The following ITGAM variants were observed in gnomAD, a reference collection of about 807,000 sequenced individuals.
The protein encoded by ITGAM is integrin alpha-M.
A neutral mutation model predicts 137.5 loss-of-function variants in ITGAM; 79 were observed. That is an observed-to-expected ratio of 0.57 (90% CI 0.48 to 0.69). The LOEUF (loss-of-function observed/expected upper bound fraction) is 0.69. ITGAM is among the 30% of genes least tolerant of loss of function. ITGAM has a pLI of 0.00. For synonymous variants in ITGAM, 583 were observed against 592.3 expected (o/e 0.98, Z 0.23); for missense variants, 1,343 against 1,483.5 (o/e 0.91, Z 1.56).
chr16:31,289,710 C>T (rs1055887485), intron 12 of ITGAM, among the ~76,000 whole-genome samples: 5 of 152,134 alleles, frequency 3.3e-5, no homozygotes, highest in Non-Finnish European at 7.4e-5. Flanking sequence ...ACATATGTAA[C>T]AAACCTGCAC....
At chr16:31,331,559 C>T in intron 29 of ITGAM, 77 bp from the exon 30 acceptor site, 1 of 920,102 alleles carries the variant, frequency 1.1e-6, no homozygotes, top group Non-Finnish European at 1.7e-6. Context: ...GCCGGCCCTC[C>T]CGCCCCCTCC....
At chr16:31,296,000 C>A in intron 12 of ITGAM, among the ~76,000 whole-genome samples, 1 of 151,666 alleles carries the variant, frequency 6.6e-6, no homozygotes, top group Non-Finnish European at 1.5e-5. Context: ...GTCCTTCATT[C>A]TGTTAATGTG....
In ITGAM at chr16:31,331,696, G is replaced by A; in HGVS notation, c.3448G>A (p.Glu1150Lys). 1 of 1,605,556 alleles carries A rather than the reference G, an allele frequency of 6.2e-7. No homozygotes were observed. Among genetic ancestry groups the A allele is most frequent in the Non-Finnish European group, 8.5e-7 (1 of 1,176,236 alleles). The change falls in exon 30 of 30, where the codon GAA becomes AAA. Residue 1150 changes from glutamate to lysine, a missense_variant. Physicochemically the swap from Glu to Lys is moderately conservative, Grantham distance 56. Transcript: ENST00000544665. ...MMSEGGPPGA[E>K]PQ The stretch of plus-strand genomic sequence containing the variant: ...GAGTGAAGGGGGTCCCCCGGGGGCC[G>A]AACCCCAGTAGCGGCTCCTTCCCGA...
At chr16:31,263,910 A>G (rs2079734081) in intron 2 of ITGAM, among the ~76,000 whole-genome samples, 1 of 151,308 alleles carries the variant, frequency 6.6e-6, no homozygotes, top group Non-Finnish European at 1.5e-5. Context: ...ATCTCGGCTC[A>G]CTGCAACCTC....
chr16:31,288,797 A>G (rs1028426514), intron 12 of ITGAM, among the ~76,000 whole-genome samples: 2 of 152,232 alleles, frequency 1.3e-5, no homozygotes, highest in Non-Finnish European at 2.9e-5. Flanking sequence ...ACAGCAAAAG[A>G]AACTACCATC....
intron 26 of ITGAM, 40 bp downstream of exon 26, chr16:31,330,204 A>G: frequency 6.2e-7 from 1 of 1,602,538 alleles, no homozygotes; most frequent in Non-Finnish European, 8.5e-7. Context: ...ACAGAGACCC[A>G]GAGCGCTTCC....
At chr16:31,315,164 TTATGTGTTATGGA>T (rs1210867689) in intron 14 of ITGAM, among the ~76,000 whole-genome samples, 5 of 152,130 alleles carry the variant, frequency 3.3e-5, no homozygotes. Context: ...ATTGAGTTCT[TTATGTGTTATGGA>T]TATTAACCAT....
In ITGAM at chr16:31,330,703, G is replaced by GAGAGAGACAGAGCGAC. The variant is rs1276692000; in HGVS notation, c.3276+111_3276+126dup. ...AGAGAGACACAAAGAGAGAGGGAGAGAGAGAGACAGAGCGACAGAGAGACA... is the reference window on the plus strand; with the variant it reads ...AGAGAGACACAAAGAGAGAGGGAGAGAGAGAGACAGAGCGACAGAGAGACAGAGCGACAGAGAGACA... On this transcript the variant is annotated intron_variant, in intron 28 of 29. Transcript: ENST00000544665. 4.9e-6 allele frequency: 4 copies of GAGAGAGACAGAGCGAC among 814,726 alleles called. No homozygotes were observed. The Admixed American group carries it at 1.1e-4, about 22-fold the overall frequency. The allele number at this position is 814,726 out of a possible 1,614,324, so 50.5% of individuals were successfully genotyped here.
intron 22 of ITGAM, chr16:31,327,893 T>G: frequency 2.0e-6 from 1 of 500,426 alleles, no homozygotes; most frequent in Non-Finnish European, 3.7e-6. Flanking sequence ...CGATCACTCT[T>G]CAGGAGGGCT....
chr16:31,298,491 C>T (rs1037807387), intron 14 of ITGAM, among the ~76,000 whole-genome samples: 4 of 152,166 alleles, frequency 2.6e-5, no homozygotes, highest in Admixed American at 1.3e-4. Context: ...CCTCATCACC[C>T]CCACTTTACA....
At chr16:31,265,542 A>T in intron 3 of ITGAM, 44 bp downstream of exon 3, 1 of 1,319,938 alleles carries the variant, frequency 7.6e-7, no homozygotes, top group Non-Finnish European at 1.1e-6. Context: ...TTCCCCTGTG[A>T]ACACATAGGG....
chr16:31,294,697 T>G (rs2080116870), intron 12 of ITGAM, among the ~76,000 whole-genome samples: 1 of 152,216 alleles, frequency 6.6e-6, no homozygotes, highest in Non-Finnish European at 1.5e-5. Context: ...AATTTTCTTT[T>G]TTTGTTAAGC....
intron 16 of ITGAM, among the ~76,000 whole-genome samples, chr16:31,322,573 C>A (rs1332919732): frequency 3.3e-5 from 5 of 152,144 alleles, no homozygotes; most frequent in African/African-American, 7.2e-5. Context: ...GCTGGGGAGA[C>A]AGAGATTTGA....
In ITGAM at chr16:31,293,572, T is replaced by G. The variant is rs139552882; in HGVS notation, c.1357-3942T>G. Among the ~76,000 whole-genome samples, 353 of 152,308 alleles carry G rather than the reference T, an allele frequency of 2.3e-3. 3 individuals carry two copies. Among genetic ancestry groups the G allele is most frequent in the Admixed American group, 0.017 (253 of 15,298 alleles). On this transcript the variant is annotated intron_variant, in intron 12 of 29. Coordinates refer to ENST00000544665, the MANE Select transcript of ITGAM (RefSeq NM_000632.4). ...GGTGTATGGCCTTATTTCTGGGCTC[T>G]CTATTCTGTTCCATTGGTCTATGTG...
rs1040324855 is a variant in ITGAM at position 31,326,856 on chromosome 16, G to A, written c.2629G>A (p.Val877Ile). 6.2e-7 allele frequency: 1 copy of A among 1,607,044 alleles called. No homozygotes were observed. The highest frequency in any genetic ancestry group is 8.5e-7 in the Non-Finnish European group (1 of 1,173,886). The change falls in exon 22 of 30, where the codon GTC becomes ATC. Residue 877 changes from valine (V) to isoleucine (I), a missense_variant and splice_region_variant. By Grantham distance (29) the Val-to-Ile change is conservative. Coordinates refer to ENST00000544665, the MANE Select transcript of ITGAM (RefSeq NM_000632.4). ...NHPIFPENSE[V>I]TFNITFDVDS... is the part of the protein sequence containing the mutation. Reference sequence around the variant, plus strand: ...TTGTCTCTCCTTTCTCTCACTCCAGGTCACCTTTAATATCACGTTTGATGT... The same window carrying A: ...TTGTCTCTCCTTTCTCTCACTCCAGATCACCTTTAATATCACGTTTGATGT...
At chr16:31,319,937 C>T (rs1311560546) in intron 14 of ITGAM, among the ~76,000 whole-genome samples, 2 of 151,942 alleles carry the variant, frequency 1.3e-5, no homozygotes, top group African/African-American at 4.8e-5. Context: ...CTCAGCCTCC[C>T]GAGTAGCTGG....
Position 31,275,581 on chromosome 16 carries a change from C to G in ITGAM, c.891C>G (p.Arg297=), listed in dbSNP as rs758654753. ...ATGCCTTCCGCAGTGAGAAATCCCG[C>G]CAAGAGCTTAATACCATCGCATCCA... is the stretch of plus-strand genomic sequence containing the variant. ...VGDAFRSEKS[R]QELNTIASKP... Residue 297 remains arginine, a synonymous_variant, in exon 9 of 30, where the codon CGC becomes CGG. Transcript: ENST00000544665. 6 of 1,613,996 alleles carry G rather than the reference C, an allele frequency of 3.7e-6. No homozygotes were observed. In the Admixed American group the frequency reaches 1.0e-4, roughly 27 times the overall value.
rs2080495627 is a variant in ITGAM at position 31,325,262 on chromosome 16, G to A, written c.2364-1G>A. ...CCCGGCCTGTCTTCTTCTTCCCACA[G>A]CCTGGACTGCCTCGTGGTGGGTGGG... On this transcript the variant is annotated splice_acceptor_variant, in intron 19 of 29. Coordinates refer to ENST00000544665, the MANE Select transcript of ITGAM (RefSeq NM_000632.4). LOFTEE classifies it high-confidence loss of function. 6.2e-7 allele frequency: 1 copy of A among 1,610,124 alleles called. No individual in the cohort carries two copies. Among genetic ancestry groups the A allele is most frequent in the Non-Finnish European group, 8.5e-7 (1 of 1,177,792 alleles).
intron 19 of ITGAM, 106 bp downstream of exon 19, chr16:31,325,137 G>A: frequency 6.8e-7 from 1 of 1,461,760 alleles, no homozygotes. Context: ...GGGCTATAAG[G>A]TCCGGTGTGG....
Sources: gnomAD v4.1 joint callset for allele counts (sites outside exome capture counted in the v4.1 genomes callset) on GRCh38, gnomAD v4.1.1 for gene constraint, MANE v1.5 for transcripts, NCBI Gene and HGNC (gene_info 2026-07-23, HGNC 2026-07-21) for gene names.